Variants in ABCC4 observed in about 807,000 individuals in gnomAD.
ABCC4 encodes ATP-binding cassette sub-family C member 4.
A neutral mutation model predicts 168.5 loss-of-function variants in ABCC4; 102 were observed. The ratio of observed to expected loss-of-function variants is 0.61; its 90% CI spans 0.52 to 0.71. The LOEUF is 0.71. Ranked by LOEUF, ABCC4 falls within the 30% of genes least tolerant of loss-of-function variation. The pLI, the probability that ABCC4 is intolerant of heterozygous loss-of-function variation, is 0.00. For synonymous variants in ABCC4, 617 were observed against 590.7 expected (o/e 1.04, Z -0.65); for missense variants, 1,402 against 1,605.8 (o/e 0.87, Z 2.17).
chr13:95,288,449 C>T (rs867386747), intron 1 of ABCC4, among the ~76,000 whole-genome samples: 2 of 152,084 alleles, frequency 1.3e-5, no homozygotes, highest in Admixed American at 6.6e-5. Context: ...GTAAAAAAGT[C>T]GCAAATGAGT....
rs1594263438 is a variant in ABCC4 at position 95,188,680 on chromosome 13, T to C, written c.1264-138A>G. On this transcript the variant is annotated intron_variant, in intron 9 of 30. Transcript: ENST00000645237. ...TTCTCCTTCCTATTTTAAGATATTG[T>C]ATCCTAGAGTCCTTTTCATACAATC... 3.7e-5 allele frequency: 26 copies of C among 707,478 alleles called. No individual in the cohort carries two copies. The East Asian group carries it at 7.3e-4, about 20-fold the overall frequency. The allele number at this position is 707,478 out of a possible 1,614,324, so 43.8% of individuals were successfully genotyped here.
Position 95,116,131 on chromosome 13 carries a change from C to T in ABCC4, c.2456-130G>A, listed in dbSNP as rs1353439902. The T allele has an allele frequency of 3.6e-5, 21 of 576,492 alleles. No individual in the cohort carries two copies. The South Asian group carries it at 3.9e-4, about 11-fold the overall frequency. The allele number at this position is 576,492 out of a possible 1,614,324, so 35.7% of individuals were successfully genotyped here. On this transcript the variant is annotated intron_variant, in intron 19 of 30. Transcript: ENST00000645237. ...AATATATTATTCATATGAAATAAGC[C>T]GATGTCAGTGGTAAAGAAAAAGAAA...
At position 95,210,740 on chromosome 13, in the gene ABCC4, T is replaced by G. The variant is rs1308349288; in HGVS notation, c.573A>C (p.Thr191=). The G allele has an allele frequency of 6.2e-7, 1 of 1,614,174 alleles. No individual in the cohort carries two copies. Among genetic ancestry groups the G allele is most frequent in the South Asian group, 1.1e-5 (1 of 91,080 alleles). Reference sequence around the variant, plus strand: ...TGGACAGCAGATTGACTATCTGGCCTGTGGTTGTCTTCCCCATGGCCATGT... The same window carrying G: ...TGGACAGCAGATTGACTATCTGGCCGGTGGTTGTCTTCCCCATGGCCATGT... ...LSNMAMGKTT[T]GQIVNLLSND... is the part of the protein sequence containing the mutation. Residue 191 remains threonine (T), a synonymous_variant, in exon 5 of 31, where the codon ACA becomes ACC. Transcript: ENST00000645237.
intron 1 of ABCC4, among the ~76,000 whole-genome samples, chr13:95,267,704 T>C (rs767794515): frequency 4.1e-4 from 63 of 152,186 alleles, no homozygotes; most frequent in Non-Finnish European, 7.9e-4. Context: ...GTGTGGTCCC[T>C]GATGGTTTAC....
At chr13:95,028,413 C>T (rs561000486) in intron 30 of ABCC4, among the ~76,000 whole-genome samples, 2 of 151,934 alleles carry the variant, frequency 1.3e-5, no homozygotes, top group Non-Finnish European at 2.9e-5. Context: ...GGATGACATG[C>T]AATGAAAATG....
At chr13:95,044,731 C>A (rs919709739) in intron 27 of ABCC4, among the ~76,000 whole-genome samples, 8 of 152,004 alleles carry the variant, frequency 5.3e-5, no homozygotes, top group African/African-American at 1.9e-4. Context: ...ACTGCCTGGG[C>A]CAATTTCATT....
chr13:95,176,883 C>T (rs1344926988), intron 13 of ABCC4, among the ~76,000 whole-genome samples: 1 of 152,170 alleles, frequency 6.6e-6, no homozygotes, highest in Admixed American at 6.5e-5. Context: ...CCAGTCTAGA[C>T]TATGTAGGAA....
At chr13:95,301,166 C>A in intron 1 of ABCC4, 75 bp downstream of exon 1, 1 of 1,404,438 alleles carries the variant, frequency 7.1e-7, no homozygotes, top group South Asian at 1.3e-5. Flanking sequence ...TGGGCAGCAT[C>A]GGGCGCGGCC....
chr13:95,057,077 G>A (rs2033087128), intron 26 of ABCC4, among the ~76,000 whole-genome samples: 1 of 152,134 alleles, frequency 6.6e-6, no homozygotes, highest in Admixed American at 6.5e-5. Context: ...TATCACCTTG[G>A]TGTTCTCCTT....
At chr13:95,211,768 G>C (rs2038963355) in intron 4 of ABCC4, among the ~76,000 whole-genome samples, 1 of 152,116 alleles carries the variant, frequency 6.6e-6, no homozygotes. Flanking sequence ...GGAGACTACT[G>C]GAAGGAGGAG....
intron 9 of ABCC4, 51 bp downstream of exon 9, chr13:95,194,785 A>G (rs2038363102): frequency 1.4e-6 from 2 of 1,442,348 alleles, no homozygotes; most frequent in African/African-American, 1.4e-5. Flanking sequence ...TATTAAATCA[A>G]TGTCACTCAT....
chr13:95,074,175 G>A lies in ABCC4; in HGVS notation c.2917+39C>T, dbSNP rs778256630. The A allele has an allele frequency of 2.7e-6, 4 of 1,466,352 alleles. No homozygotes were observed. The South Asian group carries it at 4.8e-5, about 18-fold the overall frequency. 90.8% of individuals were successfully genotyped at this position (1,466,352 alleles called of 1,614,324 possible). A position where few individuals can be genotyped will look rare whatever the true frequency, so the allele number is the denominator to read the frequency against. On this transcript the variant is annotated intron_variant, in intron 23 of 30. Transcript: ENST00000645237. The stretch of plus-strand genomic sequence containing the variant: ...ATAAATGTAAACACAGCTATAAATT[G>A]TAATCATACCATACATAGTTATTCA...
intron 30 of ABCC4, among the ~76,000 whole-genome samples, chr13:95,023,249 A>G (rs950483850): frequency 6.6e-6 from 1 of 152,182 alleles, no homozygotes; most frequent in African/African-American, 2.4e-5. Context: ...TGTTGTTATT[A>G]GCAACTTTAA....
At chr13:95,301,095 G>T in intron 1 of ABCC4, 146 bp downstream of exon 1, 1 of 712,450 alleles carries the variant, frequency 1.4e-6, no homozygotes, top group Non-Finnish European at 2.1e-6. Flanking sequence ...GCAGCAGAAA[G>T]CCCCGGCGTG....
intron 20 of ABCC4, among the ~76,000 whole-genome samples, chr13:95,115,272 GGTT>G (rs979553861): frequency 2.3e-5 from 1 of 43,424 alleles, no homozygotes; most frequent in African/African-American, 2.0e-4. Flanking sequence ...TAGGATTGTT[GGTT>G]TTTTTTTTTT....
intron 1 of ABCC4, among the ~76,000 whole-genome samples, chr13:95,250,519 A>G (rs543190901): frequency 6.6e-6 from 1 of 152,278 alleles, no homozygotes; most frequent in South Asian, 2.1e-4. Flanking sequence ...CTAGGGTAAA[A>G]TTCAATACAA....
chr13:95,146,537 G>T (rs2036500331), intron 19 of ABCC4, among the ~76,000 whole-genome samples: 2 of 152,128 alleles, frequency 1.3e-5, no homozygotes, highest in Non-Finnish European at 2.9e-5. Flanking sequence ...GTTATAATCT[G>T]CAGTCTGATT....
intron 8 of ABCC4, among the ~76,000 whole-genome samples, chr13:95,204,964 A>G (rs2038739023): frequency 6.6e-6 from 1 of 152,152 alleles, no homozygotes; most frequent in African/African-American, 2.4e-5. Context: ...CACAATACAC[A>G]TGTGGCCCTT....
intron 14 of ABCC4, among the ~76,000 whole-genome samples, chr13:95,168,598 A>G (rs9561797): frequency 0.33 from 49,536 of 152,118 alleles, 8,178 homozygotes; most frequent in Middle Eastern, 0.46. Context: ...TGTTATTTCC[A>G]TCGTTTTATT....
Sources: allele counts gnomAD v4.1 joint callset (sites outside exome capture counted in the v4.1 genomes callset), GRCh38; gene constraint gnomAD v4.1.1; transcripts MANE v1.5; gene names NCBI Gene and HGNC (gene_info 2026-07-23, HGNC 2026-07-21).